Variants in PHACTR3 observed in about 807,000 individuals in gnomAD.
The protein encoded by PHACTR3 is phosphatase and actin regulator 3, also known as protein phosphatase 1, regulatory subunit 123.
A neutral mutation model predicts 66.8 loss-of-function variants in PHACTR3; 16 were observed. The ratio of observed to expected loss-of-function variants is 0.24; its 90% CI spans 0.16 to 0.36. The LOEUF (loss-of-function observed/expected upper bound fraction) is 0.36, where lower values mean the gene tolerates loss of function less well. Ranked by LOEUF, PHACTR3 falls within the 10% of genes least tolerant of loss-of-function variation. The probability of loss-of-function intolerance (pLI) is 1.00; values close to 1 mark genes in which losing one functional copy is unlikely to be tolerated. For missense variants in PHACTR3, 647 were observed against 719.9 expected (o/e 0.90, Z 1.16); for synonymous variants, 323 against 292.1 (o/e 1.11, Z -1.08).
intron 1 of PHACTR3, among the ~76,000 whole-genome samples, chr20:59,723,146 T>C (rs2038411548): frequency 6.8e-6 from 1 of 148,006 alleles, no homozygotes; most frequent in African/African-American, 2.5e-5. Flanking sequence ...ATAATTCACA[T>C]ATTATACAAT....
chr20:59,636,162 T>C (rs2034895777), intron 1 of PHACTR3, among the ~76,000 whole-genome samples: 1 of 152,238 alleles, frequency 6.6e-6, no homozygotes, highest in African/African-American at 2.4e-5. Flanking sequence ...TTCCCAGAAG[T>C]CACTGCTTGG....
intron 10 of PHACTR3, 122 bp downstream of exon 10, chr20:59,840,552 C>A: frequency 7.2e-7 from 1 of 1,380,572 alleles, no homozygotes; most frequent in Non-Finnish European, 9.8e-7. Context: ...TTCTCCTGGA[C>A]ATCATGGCAT....
chr20:59,607,209 G>T (rs2033701305), intron 1 of PHACTR3, among the ~76,000 whole-genome samples: 1 of 152,132 alleles, frequency 6.6e-6, no homozygotes, highest in Non-Finnish European at 1.5e-5. Flanking sequence ...TTTTCCAATG[G>T]TTCCAAAGGG....
chr20:59,788,200 G>A (rs527516962), intron 7 of PHACTR3, among the ~76,000 whole-genome samples: 10 of 152,088 alleles, frequency 6.6e-5, no homozygotes, highest in South Asian at 2.1e-4. Context: ...GAGAACATAC[G>A]ATGTTTGGTT....
chr20:59,702,506 T>A (rs2037543281), intron 1 of PHACTR3, among the ~76,000 whole-genome samples: 1 of 152,248 alleles, frequency 6.6e-6, no homozygotes. Flanking sequence ...GCCAAGCAAA[T>A]GTCCCTCACA....
chr20:59,669,782 G>A lies in PHACTR3; in HGVS notation c.118+64650G>A, dbSNP rs150900332. ...GGCATCATGTTTTCGAAGCTCATCC[G>A]TGTTGTAGCATGTGTCAGCCCTCCA... is the stretch of plus-strand genomic sequence containing the variant. On this transcript the variant is annotated intron_variant, in intron 1 of 12. Coordinates refer to ENST00000371015, the MANE Select transcript of PHACTR3 (RefSeq NM_080672.5). Among the ~76,000 whole-genome samples, 4 of 152,312 alleles carry A rather than the reference G, an allele frequency of 2.6e-5. No individual in the cohort carries two copies. The East Asian group carries it at 7.7e-4, about 29-fold the overall frequency.
intron 4 of PHACTR3, 150 bp from the exon 5 acceptor site, chr20:59,767,036 G>A: frequency 1.5e-6 from 1 of 682,028 alleles, no homozygotes; most frequent in Non-Finnish European, 2.6e-6. Context: ...ATTGAGAGTT[G>A]AACTTGCAGG....
At chr20:59,816,755 G>T (rs1007642550) in intron 8 of PHACTR3, among the ~76,000 whole-genome samples, 1 of 152,228 alleles carries the variant, frequency 6.6e-6, no homozygotes, top group Non-Finnish European at 1.5e-5. Context: ...GATTGGATAG[G>T]TGGGTGGTTG....
Position 59,806,298 on chromosome 20 carries a change from C to T in PHACTR3, c.1328+104C>T, listed in dbSNP as rs1240384336. On this transcript the variant is annotated intron_variant, in intron 8 of 12. Transcript: ENST00000371015. ...GGTGTGCCAGGCCGGGACGCACAAC[C>T]CACCGTCTGCAGCAGGTCTCTTGAC... 4.9e-6 allele frequency: 7 copies of T among 1,428,272 alleles called. No individual in the cohort carries two copies. In the East Asian group the frequency reaches 1.2e-4, roughly 24 times the overall value. The allele number at this position is 1,428,272 out of a possible 1,614,324, so 88.5% of individuals were successfully genotyped here.
intron 1 of PHACTR3, among the ~76,000 whole-genome samples, chr20:59,578,072 C>G (rs1258866562): frequency 6.6e-6 from 1 of 152,244 alleles, no homozygotes; most frequent in Non-Finnish European, 1.5e-5. Context: ...CCCTTCTTCC[C>G]CAGGGAGGGC....
chr20:59,793,454 A>G lies in PHACTR3; in HGVS notation c.1175-12587A>G, dbSNP rs370636230. On this transcript the variant is annotated intron_variant, in intron 7 of 12. Coordinates refer to ENST00000371015, the MANE Select transcript of PHACTR3 (RefSeq NM_080672.5). ...TTTTCATTTATTTGTGTCATCTTCA[A>G]TTTCTTTCAATGATTCATAATTTTC... Among the ~76,000 whole-genome samples the G allele has an allele frequency of 7.0e-4, 107 of 152,250 alleles. 2 individuals carry two copies. The South Asian group carries it at 0.011, about 16-fold the overall frequency.
intron 3 of PHACTR3, among the ~76,000 whole-genome samples, chr20:59,753,749 C>T (rs1452533086): frequency 9.2e-5 from 14 of 152,312 alleles, no homozygotes. Context: ...TATTTGGGCA[C>T]AAAACACCGT....
chr20:59,605,097 C>T lies in PHACTR3; in HGVS notation c.83C>T (p.Ser28Leu), dbSNP rs960726257. The T allele has an allele frequency of 6.4e-6, 9 of 1,397,928 alleles. No homozygotes were observed. Among genetic ancestry groups the T allele is most frequent in the African/African-American group, 4.5e-5 (3 of 66,492 alleles). The allele number at this position is 1,397,928 out of a possible 1,614,324, so 86.6% of individuals were successfully genotyped here. ...GACCCCAGCGTCCTCACCGACTCCT[C>T]GGCCACCTCCTCCGCGGACGCCGGG... The part of the protein sequence containing the change: ...QSDPSVLTDS[S>L]ATSSADAGEN... Residue 28 changes from serine to leucine, a missense_variant, in exon 1 of 13, where the codon TCG (serine) becomes TTG (leucine). Coordinates refer to ENST00000371015, the MANE Select transcript of PHACTR3 (RefSeq NM_080672.5).
intron 8 of PHACTR3, among the ~76,000 whole-genome samples, chr20:59,824,067 G>A (rs999677822): frequency 3.9e-5 from 6 of 152,128 alleles, no homozygotes; most frequent in Admixed American, 6.5e-5. Context: ...AGCCTCAACC[G>A]GTATCTAAGG....
chr20:59,662,185 C>A (rs2035831681), intron 1 of PHACTR3, among the ~76,000 whole-genome samples: 1 of 152,156 alleles, frequency 6.6e-6, no homozygotes, highest in South Asian at 2.1e-4. Context: ...AGAGGCCGGT[C>A]TCACCCTCAA....
chr20:59,771,277 T>A (rs1308950931), intron 5 of PHACTR3, among the ~76,000 whole-genome samples: 9 of 151,942 alleles, frequency 5.9e-5, no homozygotes, highest in African/African-American at 2.2e-4. Flanking sequence ...ACAGAGGGGC[T>A]GGGGGATGCT....
chr20:59,787,229 T>C (rs921359232), intron 7 of PHACTR3, among the ~76,000 whole-genome samples: 2 of 152,208 alleles, frequency 1.3e-5, no homozygotes, highest in Non-Finnish European at 2.9e-5. Context: ...GTATGTAAAT[T>C]ACATCCATGG....
chr20:59,785,896 G>T (rs1386603006), intron 7 of PHACTR3, among the ~76,000 whole-genome samples: 18 of 11,928 alleles, frequency 1.5e-3, no homozygotes, highest in Middle Eastern at 0.062. Flanking sequence ...GTTTTCCAAC[G>T]GCCCTCTGCA....
At chr20:59,588,939 AG>A (rs1156841220) in intron 1 of PHACTR3, among the ~76,000 whole-genome samples, 1 of 152,224 alleles carries the variant, frequency 6.6e-6, no homozygotes, top group African/African-American at 2.4e-5. Flanking sequence ...CCAGGTTTCC[AG>A]GGGAGCAGGA....
Sources: allele counts gnomAD v4.1 joint callset (sites outside exome capture counted in the v4.1 genomes callset), GRCh38; gene constraint gnomAD v4.1.1; transcripts MANE v1.5; gene names NCBI Gene and HGNC (gene_info 2026-07-23, HGNC 2026-07-21).